RUBCNL: variants seen among roughly 807,000 people sequenced by gnomAD.
The protein encoded by RUBCNL is protein associated with UVRAG as autophagy enhancer.
In RUBCNL, 62 loss-of-function variants were observed where a neutral mutation model predicts 69.5. The ratio of observed to expected loss-of-function variants is 0.89; its 90% confidence interval spans 0.73 to 1.10. RUBCNL has a LOEUF of 1.10. Among genes scored for constraint, RUBCNL ranks in the 50% least tolerant of loss-of-function variants. The pLI is 0.00. For synonymous variants in RUBCNL, 291 were observed against 303.6 expected (o/e 0.96, Z 0.43); for missense variants, 768 against 798.1 (o/e 0.96, Z 0.45).
chr13:46,362,947 T>TATAG (rs1439279425), intron 6 of RUBCNL, among the ~76,000 whole-genome samples, 168 bp downstream of exon 6: 4 of 62,026 alleles, frequency 6.4e-5, no homozygotes, highest in South Asian at 4.3e-4. Context: ...TAGATATATA[T>TATAG]ATATATATAT....
intron 2 of RUBCNL, among the ~76,000 whole-genome samples, chr13:46,374,822 C>G (rs564093944): frequency 1.3e-5 from 2 of 152,306 alleles, no homozygotes; most frequent in African/African-American, 4.8e-5. Flanking sequence ...GTTATTGAAC[C>G]CTATAGGCTC....
chr13:46,358,917 T>G (rs954500386), intron 9 of RUBCNL, among the ~76,000 whole-genome samples: 3 of 152,164 alleles, frequency 2.0e-5, no homozygotes, highest in African/African-American at 7.2e-5. Flanking sequence ...TGTTCCTTTT[T>G]TAGAAGTTTA....
Position 46,359,529 on chromosome 13 carries a change from G to T in RUBCNL, c.1222C>A (p.Pro408Thr), listed in dbSNP as rs201591771. The change falls in exon 9 of 15, where the codon CCT becomes ACT. Residue 408 changes from proline (P) to threonine (T), a missense_variant. Coordinates refer to ENST00000429979, the MANE Select transcript of RUBCNL (RefSeq NM_025113.5). ...TTAAATATGATTTGAAATCTAGGAGGAGCCCAGTCTTCAGTCCCTCTGATC... is the reference window on the plus strand; with the variant it reads ...TTAAATATGATTTGAAATCTAGGAGTAGCCCAGTCTTCAGTCCCTCTGATC... ...SRIRGTEDWA[P>T]PRFQIIFNIH... is the part of the protein sequence containing the mutation. The T allele has an allele frequency of 5.6e-6, 9 of 1,597,384 alleles. No individual in the cohort carries two copies. Among genetic ancestry groups the T allele is most frequent in the South Asian group, 3.4e-5 (3 of 88,080 alleles).
chr13:46,350,529 A>G, intron 10 of RUBCNL, 178 bp from the exon 11 acceptor site: 1 of 556,484 alleles, frequency 1.8e-6, no homozygotes, highest in South Asian at 2.5e-5. Flanking sequence ...GGGGAATTAA[A>G]TCATGGCCAT....
intron 9 of RUBCNL, among the ~76,000 whole-genome samples, chr13:46,358,437 AC>A (rs1279283293): frequency 1.3e-5 from 2 of 152,230 alleles, no homozygotes; most frequent in Non-Finnish European, 2.9e-5. Context: ...TTACAATTAA[AC>A]TATTACTTTA....
At chr13:46,347,104 C>CTA (rs558723911) in intron 12 of RUBCNL, among the ~76,000 whole-genome samples, 44 of 152,298 alleles carry the variant, frequency 2.9e-4, no homozygotes, top group Middle Eastern at 3.4e-3. Flanking sequence ...CATAATACCT[C>CTA]TTAATAGACT....
chr13:46,374,197 G>A (rs769275254), intron 2 of RUBCNL, among the ~76,000 whole-genome samples: 1 of 152,200 alleles, frequency 6.6e-6, no homozygotes, highest in East Asian at 1.9e-4. Context: ...CTCTGCCTCA[G>A]CCTCCCAAGT....
chr13:46,366,200 G>A (rs1410189007), intron 5 of RUBCNL, among the ~76,000 whole-genome samples: 4 of 152,134 alleles, frequency 2.6e-5, no homozygotes, highest in Admixed American at 6.6e-5. Flanking sequence ...AGATTTCCCC[G>A]CCCCCTGGCT....
intron 5 of RUBCNL, among the ~76,000 whole-genome samples, chr13:46,365,307 A>T (rs2048727511): frequency 6.6e-6 from 1 of 151,278 alleles, no homozygotes; most frequent in African/African-American, 2.4e-5. Flanking sequence ...CATCTCAAAA[A>T]AAAAAAAAAA....
At position 46,343,325 on chromosome 13, in the gene RUBCNL, A is replaced by G; in HGVS notation, c.*60T>C. On this transcript the variant is annotated 3_prime_UTR_variant, in exon 15 of 15. Transcript: ENST00000429979. Reference sequence around the variant, plus strand: ...TCTAAAACAATGTCACCAATAATAGACACAAATCGGTGTTATCATAAGGCA... The same window carrying G: ...TCTAAAACAATGTCACCAATAATAGGCACAAATCGGTGTTATCATAAGGCA... The G allele has an allele frequency of 6.3e-7, 1 of 1,577,816 alleles. No individual in the cohort carries two copies. The highest frequency in any genetic ancestry group is 1.1e-5 in the South Asian group (1 of 87,048).
rs57722239 is a variant in RUBCNL, at chr13:46,362,939, G to GATATATATATATATATATATATATAT, written c.925+150_925+175dup. Among the ~76,000 whole-genome samples the GATATATATATATATATATATATATAT allele has an allele frequency of 7.2e-5, 3 of 41,482 alleles. 1 individual carries two copies. The highest frequency in any genetic ancestry group is 7.7e-4 in the South Asian group (1 of 1,294). 27.2% of individuals were successfully genotyped at this position (41,482 alleles called of 152,430 possible). On this transcript the variant is annotated intron_variant, in intron 6 of 14. Coordinates refer to ENST00000429979, the MANE Select transcript of RUBCNL (RefSeq NM_025113.5). The stretch of plus-strand genomic sequence containing the variant: ...CAAGAACATCATATATATATATATA[G>GATATATATATATATATATATATATAT]ATATATATATATATATATATATATA...
chr13:46,387,471 G>T, upstream of RUBCNL: 1 of 985,548 alleles, frequency 1.0e-6, no homozygotes, highest in Non-Finnish European at 1.2e-6. Context: ...ACGCACCTAT[G>T]CGCGCCTCTG....
chr13:46,344,191 AGAG>A (rs921506330), intron 14 of RUBCNL, among the ~76,000 whole-genome samples: 18 of 152,206 alleles, frequency 1.2e-4, no homozygotes, highest in Non-Finnish European at 2.5e-4. Flanking sequence ...GAGTGGCCTG[AGAG>A]GAGGATATGC....
At chr13:46,361,884 C>T in intron 7 of RUBCNL, among the ~76,000 whole-genome samples, 1 of 152,120 alleles carries the variant, frequency 6.6e-6, no homozygotes, top group East Asian at 1.9e-4. Flanking sequence ...GAAGCACATC[C>T]TATATATGAG....
In RUBCNL at chr13:46,338,865, C is replaced by T. The variant is rs1190959658; in HGVS notation, c.*4520G>A. Among the ~76,000 whole-genome samples, 2 of 151,768 alleles carry T rather than the reference C, an allele frequency of 1.3e-5. No homozygotes were observed. The highest frequency in any genetic ancestry group is 4.8e-5 in the African/African-American group (2 of 41,304). ...TCTGAGACCAGCCTGGCCAACATGGCGAAACCCCGTCTCTACCAAAAACAG... is the reference window on the plus strand; with the variant it reads ...TCTGAGACCAGCCTGGCCAACATGGTGAAACCCCGTCTCTACCAAAAACAG... On this transcript the variant is annotated 3_prime_UTR_variant, in exon 15 of 15. Coordinates refer to ENST00000429979, the MANE Select transcript of RUBCNL (RefSeq NM_025113.5).
chr13:46,386,610 A>G (rs2049251998), intron 1 of RUBCNL, among the ~76,000 whole-genome samples: 1 of 151,710 alleles, frequency 6.6e-6, no homozygotes, highest in Non-Finnish European at 1.5e-5. Flanking sequence ...GGGCGAGAAG[A>G]GTGGGGGTTG....
intron 4 of RUBCNL, 77 bp from the exon 5 acceptor site, chr13:46,368,326 A>G: frequency 3.4e-6 from 5 of 1,475,802 alleles, no homozygotes; most frequent in Non-Finnish European, 4.6e-6. Flanking sequence ...TGAAAAATCA[A>G]TATGCTCTAT....
At chr13:46,353,895 T>C (rs2138709527) in intron 10 of RUBCNL, among the ~76,000 whole-genome samples, 1 of 152,316 alleles carries the variant, frequency 6.6e-6, no homozygotes, top group Non-Finnish European at 1.5e-5. Context: ...AATTCTTAAT[T>C]TCAATTAATT....
At chr13:46,355,012 C>T in intron 10 of RUBCNL, 1 of 329,290 alleles carries the variant, frequency 3.0e-6, no homozygotes. Context: ...ATGACTCATT[C>T]AAAGAAAATC....
Sources: gnomAD v4.1 joint callset for allele counts (sites outside exome capture counted in the v4.1 genomes callset) on GRCh38, gnomAD v4.1.1 for gene constraint, MANE v1.5 for transcripts, NCBI Gene and HGNC (gene_info 2026-07-23, HGNC 2026-07-21) for gene names.